Variants in ERC2 observed in about 807,000 individuals in gnomAD.
ERC2 encodes the protein ERC protein 2.
A neutral mutation model predicts 114.8 loss-of-function variants in ERC2; 42 were observed. That is an observed-to-expected ratio of 0.37 (90% CI 0.29 to 0.47). The LOEUF (loss-of-function observed/expected upper bound fraction) is 0.47. ERC2 is among the 20% of genes least tolerant of loss of function. ERC2 has a pLI of 0.99. For synonymous variants in ERC2, 454 were observed against 425.5 expected (o/e 1.07, Z -0.82); for missense variants, 939 against 1,150.7 (o/e 0.82, Z 2.66).
At chr3:56,090,056 TTGA>T (rs2077703296) in intron 6 of ERC2, among the ~76,000 whole-genome samples, 1 of 152,194 alleles carries the variant, frequency 6.6e-6, no homozygotes, top group Non-Finnish European at 1.5e-5. Flanking sequence ...ATCAATGACC[TTGA>T]TGGCTGGTAA....
chr3:55,517,585 G>A (rs919950023), intron 17 of ERC2, among the ~76,000 whole-genome samples: 2 of 151,864 alleles, frequency 1.3e-5, no homozygotes, highest in African/African-American at 4.8e-5. Context: ...AAGTAAAAGT[G>A]CTTGTTCACA....
intron 3 of ERC2, among the ~76,000 whole-genome samples, chr3:56,266,298 T>C (rs1388208392): frequency 6.6e-6 from 1 of 151,188 alleles, no homozygotes; most frequent in African/African-American, 2.4e-5. Flanking sequence ...GCCCAGCTAA[T>C]TTTTTGTATT....
At chr3:56,242,341 A>C (rs1413782994) in intron 3 of ERC2, among the ~76,000 whole-genome samples, 4 of 152,184 alleles carry the variant, frequency 2.6e-5, no homozygotes, top group Non-Finnish European at 5.9e-5. Flanking sequence ...AAGAGATAAA[A>C]GACTACATAT....
intron 3 of ERC2, among the ~76,000 whole-genome samples, chr3:56,291,967 T>C (rs900565209): frequency 2.0e-5 from 3 of 152,312 alleles, no homozygotes; most frequent in South Asian, 2.1e-4. Context: ...ACCATTTGTA[T>C]ATTATTACGT....
chr3:55,953,201 T>G lies in ERC2; in HGVS notation c.2268-2641A>C, dbSNP rs1234515585. Among the ~76,000 whole-genome samples, 9 of 70,346 alleles carry G rather than the reference T, an allele frequency of 1.3e-4. No homozygotes were observed. The East Asian group carries it at 3.4e-3, about 27-fold the overall frequency. The allele number at this position is 70,346 out of a possible 152,430, so 46.1% of individuals were successfully genotyped here. A position where few individuals can be genotyped will look rare whatever the true frequency, so the allele number is the denominator to read the frequency against. On this transcript the variant is annotated intron_variant, in intron 12 of 17. Coordinates refer to ENST00000288221, the MANE Select transcript of ERC2 (RefSeq NM_015576.3). ...GCCTGGGTGACAGAGTGAAACTCCA[T>G]CTCAAAAAAAAAAAAAAAGAATGAG...
chr3:56,175,789 T>C (rs1441641572), intron 3 of ERC2, among the ~76,000 whole-genome samples: 2 of 152,168 alleles, frequency 1.3e-5, no homozygotes, highest in African/African-American at 4.8e-5. Flanking sequence ...CTCAAGATCT[T>C]AGATAATAGT....
Position 55,699,485 on chromosome 3 carries a change from C to T in ERC2, c.2740G>A (p.Asp914Asn), listed in dbSNP as rs1018775914. The change falls in exon 16 of 18, where the codon GAC becomes AAC. Residue 914 changes from aspartate (D) to asparagine (N), a missense_variant. Asp to Asn is a conservative substitution (Grantham distance 23). Around this residue, in one of 5 missense-constraint regions of ERC2, gnomAD observed 328 missense variants for 353.9 expected, o/e 0.93. Coordinates refer to ENST00000288221, the MANE Select transcript of ERC2 (RefSeq NM_015576.3). ...QTQNRMKLMA[D>N]NYDDDHHHYH... ...TGGTGATGGTCATCATCATAGTTGT[C>T]TGCCATCAACTTCATTCTGTTCTGG... The T allele has an allele frequency of 5.6e-6, 9 of 1,612,732 alleles. No homozygotes were observed. In the African/African-American group the frequency reaches 9.4e-5, roughly 17 times the overall value.
chr3:56,213,542 C>T (rs1179869027), intron 3 of ERC2, among the ~76,000 whole-genome samples: 1 of 152,168 alleles, frequency 6.6e-6, no homozygotes, highest in South Asian at 2.1e-4. Context: ...TGGAGCCCAT[C>T]CCAGCTCAAG....
rs369504769 is a variant in ERC2 at position 56,394,959 on chromosome 3, C to T, written c.657+39392G>A. ...ATACACAAAATGTGGTATATCCATA[C>T]AACGGAATATTATCTGGCAACAAAA... On this transcript the variant is annotated intron_variant, in intron 2 of 17. Transcript: ENST00000288221. 9.3e-5 allele frequency among the ~76,000 whole-genome samples: 14 copies of T among 151,248 alleles called. No homozygotes were observed. In the South Asian group the frequency reaches 2.9e-3, roughly 32 times the overall value.
intron 3 of ERC2, among the ~76,000 whole-genome samples, chr3:56,180,380 T>G (rs893270015): frequency 2.0e-5 from 3 of 152,194 alleles, no homozygotes; most frequent in Non-Finnish European, 4.4e-5. Flanking sequence ...AGTTCATAGC[T>G]GCATTATCCC....
chr3:55,588,940 TG>T (rs2057730072), intron 17 of ERC2, among the ~76,000 whole-genome samples: 1 of 152,054 alleles, frequency 6.6e-6, no homozygotes, highest in South Asian at 2.1e-4. Flanking sequence ...AGGACCATTT[TG>T]GGGGTAACCA....
At chr3:56,142,894 G>A (rs2080943348) in intron 5 of ERC2, among the ~76,000 whole-genome samples, 1 of 151,386 alleles carries the variant, frequency 6.6e-6, no homozygotes, top group Non-Finnish European at 1.5e-5. Flanking sequence ...TGGTCCTTTA[G>A]AGAATTTGCC....
intron 3 of ERC2, among the ~76,000 whole-genome samples, chr3:56,286,204 G>A (rs969898802): frequency 6.6e-5 from 10 of 151,828 alleles, no homozygotes; most frequent in Non-Finnish European, 1.3e-4. Context: ...ACTTAAGGTC[G>A]GGAGTTTGAG....
intron 4 of ERC2, among the ~76,000 whole-genome samples, chr3:56,153,613 G>C (rs753838102): frequency 6.6e-6 from 1 of 152,164 alleles, no homozygotes; most frequent in Non-Finnish European, 1.5e-5. Context: ...ATCTTTGCTA[G>C]TCAGGATGCC....
At chr3:55,902,282 A>G (rs1221960048) in intron 13 of ERC2, among the ~76,000 whole-genome samples, 2 of 152,160 alleles carry the variant, frequency 1.3e-5, no homozygotes, top group Non-Finnish European at 2.9e-5. Context: ...AACATTTTAT[A>G]GGGGCTTTAT....
At chr3:56,035,925 C>A (rs1221164241) in intron 7 of ERC2, among the ~76,000 whole-genome samples, 2 of 152,116 alleles carry the variant, frequency 1.3e-5, no homozygotes, top group Non-Finnish European at 2.9e-5. Flanking sequence ...AAATTACAGT[C>A]CAATATCCCT....
At chr3:56,288,994 G>GA (rs953266152) in intron 3 of ERC2, among the ~76,000 whole-genome samples, 3 of 152,188 alleles carry the variant, frequency 2.0e-5, no homozygotes, top group South Asian at 4.2e-4. Context: ...AGATGTGTGT[G>GA]AAAAAAATAA....
intron 6 of ERC2, among the ~76,000 whole-genome samples, chr3:56,130,662 C>A (rs1479256709): frequency 1.3e-5 from 2 of 152,192 alleles, no homozygotes; most frequent in African/African-American, 2.4e-5. Context: ...GAATTTGCCA[C>A]AGAACAACCA....
At chr3:55,718,120 T>C (rs1317756168) in intron 15 of ERC2, among the ~76,000 whole-genome samples, 7 of 152,188 alleles carry the variant, frequency 4.6e-5, no homozygotes, top group Non-Finnish European at 1.0e-4. Flanking sequence ...AGTGAAAAAT[T>C]GTCTGCCTTA....
Sources: allele counts gnomAD v4.1 joint callset (sites outside exome capture counted in the v4.1 genomes callset), GRCh38; gene constraint gnomAD v4.1.1; regional missense constraint gnomAD v4.1.1; transcripts MANE v1.5; gene names NCBI Gene and HGNC (gene_info 2026-07-23, HGNC 2026-07-21).